The following TMEM182 variants were observed in gnomAD, a reference collection of about 807,000 sequenced individuals.
The protein encoded by TMEM182 is transmembrane protein 182.
TMEM182 carries 20 observed loss-of-function variants against 26.8 expected under a neutral mutation model. The observed-to-expected ratio is 0.75, with a 90% CI of 0.53 to 1.09. The LOEUF (loss-of-function observed/expected upper bound fraction) is 1.09, where lower values mean the gene tolerates loss of function less well. Among genes scored for constraint, TMEM182 ranks in the 50% least tolerant of loss-of-function variants. The pLI is 0.00. For synonymous variants in TMEM182, 109 were observed against 102.2 expected (o/e 1.07, Z -0.40); for missense variants, 277 against 275.5 (o/e 1.01, Z -0.04).
intron 1 of TMEM182, among the ~76,000 whole-genome samples, chr2:102,743,894 C>A (rs1442053891): frequency 4.6e-5 from 7 of 152,118 alleles, no homozygotes; most frequent in Admixed American, 4.6e-4. Flanking sequence ...ATGAAAGGGT[C>A]AATTCTCCAA....
At chr2:102,824,706 T>G (rs1191321119) in intron 3 of TMEM182, among the ~76,000 whole-genome samples, 1 of 152,268 alleles carries the variant, frequency 6.6e-6, no homozygotes, top group East Asian at 1.9e-4. Context: ...TGTGCATTTG[T>G]AGTCCAGCTA....
In TMEM182 at chr2:102,815,340, TA is replaced by T. The variant is rs377063389; in HGVS notation, c.*380del. The T allele has an allele frequency of 2.6e-5, 26 of 997,588 alleles. No homozygotes were observed. The highest frequency in any genetic ancestry group is 2.2e-4 in the East Asian group (2 of 9,232). 61.8% of individuals were successfully genotyped at this position (997,588 alleles called of 1,614,324 possible). A position where few individuals can be genotyped will look rare whatever the true frequency, so the allele number is the denominator to read the frequency against. On this transcript the variant is annotated 3_prime_UTR_variant, in exon 5 of 5. Coordinates refer to ENST00000412401, the MANE Select transcript of TMEM182 (RefSeq NM_144632.5). ...CTCCTTGGCATTCACTTCTGCTAATTAAAAAAAATCCTTGAAGAATAATTAA... is the reference window on the plus strand; with the variant it reads ...CTCCTTGGCATTCACTTCTGCTAATTAAAAAAATCCTTGAAGAATAATTAA...
In TMEM182 at chr2:102,833,585, G is replaced by T. The variant is rs1046852336; in HGVS notation, c.326-9827G>T. ...TAAGTTAACCTTGGTACAATACCAA[G>T]AACTAAACTACACACCTCATTAGGA... On this transcript the variant is annotated intron_variant, in intron 3 of 3. Coordinates refer to the TMEM182 transcript ENST00000486293. 6.6e-5 allele frequency among the ~76,000 whole-genome samples: 10 copies of T among 152,210 alleles called. No individual in the cohort carries two copies. The South Asian group carries it at 1.0e-3, about 16-fold the overall frequency.
rs1683017119 is a variant in TMEM182 at position 102,825,594 on chromosome 2, A to C, written c.326-17818A>C. ...TGCTGTTTTCCAGGTGACCACATTT[A>C]AAAGCAGAGGAATAATAGTGACTAT... On this transcript the variant is annotated intron_variant, in intron 3 of 3. Transcript: ENST00000486293. 2.6e-5 allele frequency among the ~76,000 whole-genome samples: 4 copies of C among 152,362 alleles called. No individual in the cohort carries two copies. In the South Asian group the frequency reaches 8.3e-4, roughly 32 times the overall value.
intron 3 of TMEM182, among the ~76,000 whole-genome samples, chr2:102,780,470 T>TGTCAGCAGAA (rs1681120275): frequency 6.6e-6 from 1 of 152,180 alleles, no homozygotes; most frequent in Non-Finnish European, 1.5e-5. Flanking sequence ...CCATAGCTTC[T>TGTCAGCAGAA]GCTGACAAAG....
At chr2:102,842,885 C>T (rs1303215226) in intron 3 of TMEM182, among the ~76,000 whole-genome samples, 1 of 152,126 alleles carries the variant, frequency 6.6e-6, no homozygotes, top group East Asian at 1.9e-4. Context: ...TGGGTGGTTG[C>T]CTGGATCACA....
chr2:102,778,019 T>G (rs1004126326), intron 3 of TMEM182, among the ~76,000 whole-genome samples: 18 of 152,008 alleles, frequency 1.2e-4, no homozygotes, highest in African/African-American at 4.3e-4. Context: ...ATTAGTTAGA[T>G]TCTGTTGGTT....
chr2:102,832,515 A>C (rs981419454), intron 3 of TMEM182, among the ~76,000 whole-genome samples: 4 of 152,218 alleles, frequency 2.6e-5, no homozygotes, highest in Admixed American at 6.5e-5. Flanking sequence ...AATCCTATGC[A>C]ACTGTGCTCA....
chr2:102,787,473 C>G (rs750901015), intron 3 of TMEM182, among the ~76,000 whole-genome samples: 15 of 152,218 alleles, frequency 9.9e-5, no homozygotes, highest in Non-Finnish European at 1.5e-4. Context: ...CCTCAAGTCT[C>G]CATCTTCAGA....
In TMEM182 at chr2:102,764,355, A is replaced by T. The variant is rs761632442; in HGVS notation, c.259A>T (p.Thr87Ser). ...CAATCAGCCACCGTCCAAGAACTGC[A>T]CACATGCTTACCTGTCTCCGTACCC... ...YTNQPPSKNCTHAYLSPYPFM... is the reference protein window; with the variant it reads ...YTNQPPSKNCSHAYLSPYPFM... Residue 87 changes from threonine (T) to serine (S), a missense_variant, in exon 3 of 5, where the codon ACA (threonine) becomes TCA (serine). Coordinates refer to ENST00000412401, the MANE Select transcript of TMEM182 (RefSeq NM_144632.5). The T allele has an allele frequency of 2.5e-6, 4 of 1,613,954 alleles. No individual in the cohort carries two copies. The highest frequency in any genetic ancestry group is 3.4e-6 in the Non-Finnish European group (4 of 1,179,896).
At chr2:102,813,231 T>C (rs1052121734) in intron 4 of TMEM182, among the ~76,000 whole-genome samples, 1 of 152,194 alleles carries the variant, frequency 6.6e-6, no homozygotes, top group Non-Finnish European at 1.5e-5. Flanking sequence ...TCTTCTTTTG[T>C]GTTTACTTTT....
At chr2:102,750,485 T>TC (rs1679846738) in intron 1 of TMEM182, among the ~76,000 whole-genome samples, 1 of 152,174 alleles carries the variant, frequency 6.6e-6, no homozygotes, top group Admixed American at 6.5e-5. Context: ...CCCAGAATCA[T>TC]CTTTTATTTC....
At chr2:102,783,744 T>C (rs1014179657) in intron 3 of TMEM182, among the ~76,000 whole-genome samples, 27 of 152,132 alleles carry the variant, frequency 1.8e-4, no homozygotes, top group African/African-American at 5.8e-4. Flanking sequence ...ATCATGCCTG[T>C]GAACAGCCCT....
At chr2:102,738,726 A>T (rs1196152571) in intron 1 of TMEM182, among the ~76,000 whole-genome samples, 1 of 152,214 alleles carries the variant, frequency 6.6e-6, no homozygotes, top group Admixed American at 6.5e-5. Context: ...GGCAGAATTC[A>T]CTAGTATAGA....
At chr2:102,745,379 G>A (rs1679663894) in intron 1 of TMEM182, among the ~76,000 whole-genome samples, 1 of 151,944 alleles carries the variant, frequency 6.6e-6, no homozygotes, top group Non-Finnish European at 1.5e-5. Flanking sequence ...GTTATTTTAA[G>A]GTGATTGTGT....
chr2:102,815,909 T>G lies in TMEM182; in HGVS notation c.*941T>G. On this transcript the variant is annotated 3_prime_UTR_variant, in exon 5 of 5. Coordinates refer to ENST00000412401, the MANE Select transcript of TMEM182 (RefSeq NM_144632.5). ...TTCCATATGAGGATTATAATAGCCC[T>G]GCTTTATTAAAGACCATAAAATATT... 1 of 958,096 alleles carries G rather than the reference T, an allele frequency of 1.0e-6. No homozygotes were observed. The highest frequency in any genetic ancestry group is 1.8e-5 in the African/African-American group (1 of 56,708). 59.3% of individuals were successfully genotyped at this position (958,096 alleles called of 1,614,324 possible). A position where few individuals can be genotyped will look rare whatever the true frequency, so the allele number is the denominator to read the frequency against.
chr2:102,811,706 A>G (rs1312371775), intron 4 of TMEM182, among the ~76,000 whole-genome samples: 3 of 152,158 alleles, frequency 2.0e-5, no homozygotes, highest in Non-Finnish European at 2.9e-5. Context: ...ATGTACCACT[A>G]TCATTATTCA....
intron 3 of TMEM182, among the ~76,000 whole-genome samples, chr2:102,788,845 G>A (rs561155971): frequency 9.0e-4 from 137 of 152,128 alleles, no homozygotes; most frequent in Admixed American, 1.6e-3. Flanking sequence ...AGTTCTTAGC[G>A]TCCAGAAAAC....
chr2:102,790,569 C>T (rs1681592369), intron 3 of TMEM182, among the ~76,000 whole-genome samples: 1 of 152,224 alleles, frequency 6.6e-6, no homozygotes, highest in African/African-American at 2.4e-5. Flanking sequence ...CACACTCATA[C>T]AGACACACAC....
Sources: allele counts gnomAD v4.1 joint callset (sites outside exome capture counted in the v4.1 genomes callset), GRCh38; gene constraint gnomAD v4.1.1; transcripts MANE v1.5; gene names NCBI Gene and HGNC (gene_info 2026-07-23, HGNC 2026-07-21).